Variants in ENAH observed in about 807,000 individuals in gnomAD.
ENAH encodes ENAH actin regulator, also known as protein enabled homolog.
Under a neutral mutation model 78.7 loss-of-function variants are expected in ENAH, and 23 were observed. The observed-to-expected ratio is 0.29, with a 90% CI of 0.21 to 0.41. ENAH has a LOEUF of 0.41. Among genes scored for constraint, ENAH ranks in the 10% least tolerant of loss-of-function variants. The pLI is 1.00. For missense variants in ENAH, 544 were observed against 691.0 expected (o/e 0.79, Z 2.39); for synonymous variants, 226 against 241.0 (o/e 0.94, Z 0.58).
chr1:225,603,394 G>T (rs73124025), intron 1 of ENAH, among the ~76,000 whole-genome samples: 11,893 of 152,020 alleles, frequency 0.078, 1,574 homozygotes, highest in African/African-American at 0.27. Context: ...TTGAAATATG[G>T]TAATTTGCAG....
intron 1 of ENAH, among the ~76,000 whole-genome samples, chr1:225,634,886 A>G (rs1388150307): frequency 2.0e-5 from 3 of 152,180 alleles, no homozygotes; most frequent in African/African-American, 7.2e-5. Context: ...TTCTTTCTCA[A>G]GATTATTTTG....
At chr1:225,581,172 G>T in intron 1 of ENAH, 1 of 602,974 alleles carries the variant, frequency 1.7e-6, no homozygotes, top group Non-Finnish European at 2.1e-6. Flanking sequence ...CACTTCACTT[G>T]GCAACACATA....
chr1:225,520,253 C>G (rs1189291799), intron 4 of ENAH, among the ~76,000 whole-genome samples: 1 of 151,448 alleles, frequency 6.6e-6, no homozygotes, highest in Non-Finnish European at 1.5e-5. Flanking sequence ...CGAGATCGTG[C>G]CACTGCACTC....
At chr1:225,605,342 C>T (rs1182743292) in intron 1 of ENAH, among the ~76,000 whole-genome samples, 8 of 152,132 alleles carry the variant, frequency 5.3e-5, no homozygotes, top group African/African-American at 1.9e-4. Context: ...GAAGTCAACT[C>T]GATGTCAGGC....
chr1:225,589,438 C>G (rs1158983111), intron 1 of ENAH, among the ~76,000 whole-genome samples: 1 of 152,126 alleles, frequency 6.6e-6, no homozygotes, highest in Non-Finnish European at 1.5e-5. Context: ...AAATTATAGT[C>G]AGCCCTCAGT....
chr1:225,534,145 G>C (rs1368774971), intron 3 of ENAH, among the ~76,000 whole-genome samples: 1 of 152,098 alleles, frequency 6.6e-6, no homozygotes, highest in Non-Finnish European at 1.5e-5. Flanking sequence ...GAGCTAAAGA[G>C]AGTCCTAATA....
chr1:225,608,551 C>G (rs115362679), intron 1 of ENAH, among the ~76,000 whole-genome samples: 6,476 of 151,910 alleles, frequency 0.043, 225 homozygotes, highest in South Asian at 0.1. Context: ...CACCGTGGCT[C>G]ACGCCTGTAA....
chr1:225,608,815 C>CAA (rs928281132), intron 1 of ENAH, among the ~76,000 whole-genome samples: 1,555 of 20,560 alleles, frequency 0.076, 115 homozygotes, highest in Non-Finnish European at 0.11. Context: ...GACTCTGTCT[C>CAA]AAAAAAAAAA....
Position 225,516,102 on chromosome 1 carries a change from T to C in ENAH, c.913+1094A>G, listed in dbSNP as rs546626175. On this transcript the variant is annotated intron_variant, in intron 6 of 13. Coordinates refer to ENST00000366843, the MANE Select transcript of ENAH (RefSeq NM_018212.6). ...TAGGGTTGCCAAGCATCTTCTTATT[T>C]ACTTACAGAACCAGGTCCTTTTCTA... 8.5e-5 allele frequency among the ~76,000 whole-genome samples: 13 copies of C among 152,342 alleles called. No homozygotes were observed. In the South Asian group the frequency reaches 2.5e-3, roughly 29 times the overall value.
intron 1 of ENAH, among the ~76,000 whole-genome samples, chr1:225,619,491 C>T (rs1328464853): frequency 6.6e-6 from 1 of 152,186 alleles, no homozygotes; most frequent in African/African-American, 2.4e-5. Context: ...TTGCAGTGAG[C>T]TGAGATCCTG....
chr1:225,652,726 G>GA lies in ENAH; in HGVS notation c.-37dup. 1 of 1,317,774 alleles carries GA rather than the reference G, an allele frequency of 7.6e-7. No individual in the cohort carries two copies. Among genetic ancestry groups the GA allele is most frequent in the Non-Finnish European group, 9.7e-7 (1 of 1,035,266 alleles). 81.6% of individuals were successfully genotyped at this position (1,317,774 alleles called of 1,614,324 possible). ...GCGCAGAGGCTTCCCCACCAGCCGG[G>GA]AGACGCAGAAGGCGCCGAGCCGAGG... On this transcript the variant is annotated 5_prime_UTR_variant, in exon 1 of 14. Coordinates refer to ENST00000366843, the MANE Select transcript of ENAH (RefSeq NM_018212.6).
chr1:225,615,236 G>A (rs1250887212), intron 1 of ENAH, among the ~76,000 whole-genome samples: 2 of 151,752 alleles, frequency 1.3e-5, no homozygotes, highest in African/African-American at 4.9e-5. Flanking sequence ...GTGGAGACGG[G>A]GTTTCGCCGT....
rs1475383077 is a variant in ENAH at position 225,492,357 on chromosome 1, A to AT, written c.*5417dup. 1 of 152,148 alleles carries AT rather than the reference A, an allele frequency of 6.6e-6. No homozygotes were observed. 9.4% of individuals were successfully genotyped at this position (152,148 alleles called of 1,614,324 possible). On this transcript the variant is annotated 3_prime_UTR_variant, in exon 14 of 14. Coordinates refer to ENST00000366843, the MANE Select transcript of ENAH (RefSeq NM_018212.6). Reference sequence around the variant, plus strand: ...CCGCCTCTGACCAGTTTACCGAGCTATTTAGATGTCCTAACTACTAGGAAT... The same window carrying AT: ...CCGCCTCTGACCAGTTTACCGAGCTATTTTAGATGTCCTAACTACTAGGAAT...
chr1:225,601,788 A>G (rs1490993003), intron 1 of ENAH, among the ~76,000 whole-genome samples: 2 of 151,870 alleles, frequency 1.3e-5, no homozygotes, highest in Non-Finnish European at 2.9e-5. Flanking sequence ...TAAAAAAAAT[A>G]TAACTTAATA....
intron 1 of ENAH, among the ~76,000 whole-genome samples, chr1:225,612,177 A>G (rs1323748586): frequency 6.6e-6 from 1 of 152,228 alleles, no homozygotes; most frequent in Non-Finnish European, 1.5e-5. Flanking sequence ...GGTGGAAATG[A>G]CCCAATGTCC....
At chr1:225,567,468 T>A (rs992444602) in intron 1 of ENAH, 54 bp from the exon 2 acceptor site, 1 of 1,542,432 alleles carries the variant, frequency 6.5e-7, no homozygotes, top group African/African-American at 1.4e-5. Context: ...ATATGCTAAG[T>A]GTTCCACATA....
chr1:225,616,231 C>CT (rs2097031216), intron 1 of ENAH, among the ~76,000 whole-genome samples: 2 of 151,346 alleles, frequency 1.3e-5, no homozygotes, highest in African/African-American at 4.9e-5. Flanking sequence ...AACCAGAGAC[C>CT]CTGTTCACAT....
In ENAH at chr1:225,519,245, T is replaced by C; in HGVS notation, c.755A>G (p.Glu252Gly). Residue 252 changes from glutamate to glycine, a missense_variant, in exon 5 of 14, where the codon GAA becomes GGA. Glu to Gly is a moderately conservative substitution (Grantham distance 98). This residue lies in a region of ENAH where 366 missense variants were observed against 396.1 expected (regional missense o/e 0.92). Coordinates refer to ENST00000366843, the MANE Select transcript of ENAH (RefSeq NM_018212.6). ...TCTCTCCCATTCCAGCTGTTCCCTT[T>C]CTAACTGCTCTTGTCGCTCCCTTTC... ...RQERERQEQL[E>G]REQLEWERER... 1 of 1,614,246 alleles carries C rather than the reference T, an allele frequency of 6.2e-7. No individual in the cohort carries two copies. Among genetic ancestry groups the C allele is most frequent in the South Asian group, 1.1e-5 (1 of 91,088 alleles).
chr1:225,512,165 G>T (rs971290073), intron 9 of ENAH, among the ~76,000 whole-genome samples: 1 of 152,164 alleles, frequency 6.6e-6, no homozygotes, highest in Non-Finnish European at 1.5e-5. Flanking sequence ...ATGGAGCAGG[G>T]GGAACATATT....
Sources: allele counts gnomAD v4.1 joint callset (sites outside exome capture counted in the v4.1 genomes callset), GRCh38; gene constraint gnomAD v4.1.1; regional missense constraint gnomAD v4.1.1; transcripts MANE v1.5; gene names NCBI Gene and HGNC (gene_info 2026-07-23, HGNC 2026-07-21).